Variants in FANCM observed in about 807,000 individuals in gnomAD.
FANCM encodes FA complementation group M, also known as Fanconi anemia group M protein.
A neutral mutation model predicts 199.5 loss-of-function variants in FANCM; 140 were observed. That is an observed-to-expected ratio of 0.70 (90% confidence interval 0.61 to 0.81). The LOEUF is 0.81. FANCM is among the 30% of genes least tolerant of loss of function. The pLI is 0.00. For missense variants in FANCM, 2,410 were observed against 2,421.4 expected, an observed-to-expected ratio of 1.00 and a Z score of 0.10; for synonymous variants, 840 against 836.8, an observed-to-expected ratio of 1.00 and a Z score of -0.07.
At chr14:45,158,732 G>A (rs997623056) in intron 8 of FANCM, among the ~76,000 whole-genome samples, 2 of 152,050 alleles carry the variant, frequency 1.3e-5, no homozygotes, top group African/African-American at 4.8e-5. Flanking sequence ...ATTTGTTTAG[G>A]ATTTTATTTT....
chr14:45,148,016 T>C (rs921177749), intron 3 of FANCM, among the ~76,000 whole-genome samples: 17 of 151,214 alleles, frequency 1.1e-4, no homozygotes, highest in Non-Finnish European at 2.5e-4. Flanking sequence ...GCCAACATGG[T>C]GAAACCTCAT....
At chr14:45,156,124 G>GT (rs1314334510) in intron 8 of FANCM, among the ~76,000 whole-genome samples, 2 of 152,056 alleles carry the variant, frequency 1.3e-5, no homozygotes, top group African/African-American at 4.8e-5. Context: ...CTCTGTAGAG[G>GT]GATATTTAAA....
intron 17 of FANCM, among the ~76,000 whole-genome samples, chr14:45,184,333 G>C (rs1451884599): frequency 6.6e-6 from 1 of 152,048 alleles, no homozygotes; most frequent in Non-Finnish European, 1.5e-5. Context: ...TCTTGAAAGA[G>C]CTGGAAAGAC....
rs1566790941 is a variant in FANCM, at chr14:45,196,545, C to T, written c.5714C>T (p.Thr1905Ile). The T allele has an allele frequency of 6.2e-7, 1 of 1,613,042 alleles. No homozygotes were observed. The highest frequency in any genetic ancestry group is 2.2e-5 in the East Asian group (1 of 44,870). The change falls in exon 21 of 23, where the codon ACA becomes ATA. Residue 1905 changes from threonine (T) to isoleucine (I), a missense_variant and splice_region_variant. Thr to Ile is a moderately conservative substitution (Grantham distance 89). Transcript: ENST00000267430. Reference protein sequence around the residue: ...CVIVEKDREKTGDTSRMFRRT... With the variant: ...CVIVEKDREKIGDTSRMFRRT... Reference sequence around the variant, plus strand: ...ATTGTGGAAAAGGACAGAGAAAAAACAGGTTTGTATTTTTAAATATCTTTG... The same window carrying T: ...ATTGTGGAAAAGGACAGAGAAAAAATAGGTTTGTATTTTTAAATATCTTTG...
At chr14:45,191,132 C>T (rs1889741948) in intron 20 of FANCM, among the ~76,000 whole-genome samples, 1 of 152,114 alleles carries the variant, frequency 6.6e-6, no homozygotes, top group Admixed American at 6.5e-5. Flanking sequence ...TCATATATGA[C>T]GTGTCCTTAT....
chr14:45,147,522 G>T (rs570522247), intron 3 of FANCM, among the ~76,000 whole-genome samples: 91 of 152,056 alleles, frequency 6.0e-4, no homozygotes, highest in Admixed American at 2.3e-3. Context: ...GCTTCAAGCA[G>T]TCTTCCCAAC....
At chr14:45,183,513 A>G (rs922147966) in intron 16 of FANCM, among the ~76,000 whole-genome samples, 1 of 152,194 alleles carries the variant, frequency 6.6e-6, no homozygotes, top group Admixed American at 6.5e-5. Flanking sequence ...GAAAAAATAA[A>G]AATAAAAACT....
intron 11 of FANCM, among the ~76,000 whole-genome samples, chr14:45,169,386 T>TG (rs1566754838): frequency 2.6e-5 from 4 of 151,152 alleles, no homozygotes; most frequent in South Asian, 4.2e-4. Context: ...TTTATTTGTT[T>TG]TTTTTTTTTC....
In FANCM at chr14:45,188,802, A is replaced by G. The variant is rs1208212040; in HGVS notation, c.4780A>G (p.Ile1594Val). ...THKNINIFSQIPEQDETYLED... is the reference protein window; with the variant it reads ...THKNINIFSQVPEQDETYLED... ...AAACATTCTTGTGTTTTTATTGTAG[A>G]TTCCTGAACAAGATGAAACCTATTT... The change falls in exon 20 of 23, where the codon ATT (isoleucine) becomes GTT (valine). Residue 1594 changes from isoleucine (I) to valine (V), a missense_variant and splice_region_variant. Ile to Val is a conservative substitution (Grantham distance 29). Coordinates refer to ENST00000267430, the MANE Select transcript of FANCM (RefSeq NM_020937.4). The G allele has an allele frequency of 6.2e-7, 1 of 1,605,386 alleles. No homozygotes were observed.
At chr14:45,138,370 TTATTG>T (rs1181797341) in intron 2 of FANCM, among the ~76,000 whole-genome samples, 1 of 152,178 alleles carries the variant, frequency 6.6e-6, no homozygotes, top group Non-Finnish European at 1.5e-5. Context: ...ACTGTAAACG[TTATTG>T]TATTATATCT....
chr14:45,145,150 A>G (rs1384071729), intron 3 of FANCM, among the ~76,000 whole-genome samples: 1 of 151,772 alleles, frequency 6.6e-6, no homozygotes, highest in Non-Finnish European at 1.5e-5. Context: ...TCAGGAACGG[A>G]GACCTCATGA....
chr14:45,140,632 G>T lies in FANCM; in HGVS notation c.682G>T (p.Val228Phe). Residue 228 changes from valine (V) to phenylalanine (F), a missense_variant and splice_region_variant, in exon 3 of 23, where the codon GTT becomes TTT. Transcript: ENST00000267430. Reference sequence around the variant, plus strand: ...ACTAAAGAACTTTTTTTTTCTTAAGGTTGTAAGAGAACTAGTCAAATATAC... The same window carrying T: ...ACTAAAGAACTTTTTTTTTCTTAAGTTTGTAAGAGAACTAGTCAAATATAC... The part of the protein sequence containing the change: ...KALGNYAYCQ[V>F]VRELVKYTNH... 6.4e-7 allele frequency: 1 copy of T among 1,573,362 alleles called. No individual in the cohort carries two copies. The highest frequency in any genetic ancestry group is 8.7e-7 in the Non-Finnish European group (1 of 1,145,058).
intron 20 of FANCM, among the ~76,000 whole-genome samples, chr14:45,193,709 T>C (rs1486231013): frequency 1.3e-5 from 2 of 152,182 alleles, no homozygotes; most frequent in Non-Finnish European, 2.9e-5. Context: ...CTGTCTTGAT[T>C]CCTGTAGCTT....
chr14:45,182,269 G>A (rs1175419837), intron 16 of FANCM, among the ~76,000 whole-genome samples: 2 of 152,092 alleles, frequency 1.3e-5, no homozygotes, highest in African/African-American at 4.8e-5. Flanking sequence ...ACAGCCTAAA[G>A]GAAGACCCAA....
At chr14:45,144,623 C>T (rs1330485300) in intron 3 of FANCM, among the ~76,000 whole-genome samples, 1 of 152,176 alleles carries the variant, frequency 6.6e-6, no homozygotes, top group East Asian at 1.9e-4. Context: ...TCACCACTAC[C>T]ATAGGCCCAT....
intron 2 of FANCM, among the ~76,000 whole-genome samples, chr14:45,140,320 C>G (rs1885820478): frequency 6.6e-6 from 1 of 152,142 alleles, no homozygotes; most frequent in Non-Finnish European, 1.5e-5. Flanking sequence ...ACCTTGGCCT[C>G]CCAAAAGTGT....
In FANCM at chr14:45,173,115, G is replaced by A; in HGVS notation, c.2221G>A (p.Asp741Asn). The stretch of plus-strand genomic sequence containing the variant: ...TCTCTCTGAATGGAGACTGTGGCAA[G>A]ATCATCCTTTGCCTACACATCAAGT... The part of the protein sequence containing the change: ...LSLSEWRLWQ[D>N]HPLPTHQVDH... The change falls in exon 13 of 23, where the codon GAT becomes AAT. Residue 741 changes from aspartate to asparagine, a missense_variant. By Grantham distance (23) the Asp-to-Asn change is conservative. Transcript: ENST00000267430. 6.2e-7 allele frequency: 1 copy of A among 1,611,074 alleles called. No homozygotes were observed. Among genetic ancestry groups the A allele is most frequent in the Non-Finnish European group, 8.5e-7 (1 of 1,177,290 alleles).
intron 9 of FANCM, among the ~76,000 whole-genome samples, chr14:45,160,148 C>G (rs1314592166): frequency 6.6e-6 from 1 of 150,842 alleles, no homozygotes; most frequent in African/African-American, 2.4e-5. Context: ...TACAGGCACC[C>G]ACGCCTGGCT....
In FANCM at chr14:45,136,019, G is replaced by C. The variant is rs1037937094; in HGVS notation, c.-13G>C. On this transcript the variant is annotated 5_prime_UTR_variant, in exon 1 of 23. Coordinates refer to ENST00000267430, the MANE Select transcript of FANCM (RefSeq NM_020937.4). Reference sequence around the variant, plus strand: ...CGGATATCTGACAGAAGCCTTCGGTGGTTGTCGGCCTAATGAGCGGACGGC... The same window carrying C: ...CGGATATCTGACAGAAGCCTTCGGTCGTTGTCGGCCTAATGAGCGGACGGC... 2 of 1,612,868 alleles carry C rather than the reference G, an allele frequency of 1.2e-6. No homozygotes were observed. The highest frequency in any genetic ancestry group is 1.7e-6 in the Non-Finnish European group (2 of 1,180,018).
Sources: allele counts gnomAD v4.1 joint callset (sites outside exome capture counted in the v4.1 genomes callset), GRCh38; gene constraint gnomAD v4.1.1; transcripts MANE v1.5; gene names NCBI Gene and HGNC (gene_info 2026-07-23, HGNC 2026-07-21).